ARHGAP15: variants seen among roughly 807,000 people sequenced by gnomAD.
ARHGAP15 encodes the protein rho GTPase-activating protein 15.
Under a neutral mutation model 63.7 loss-of-function variants are expected in ARHGAP15, and 51 were observed. The ratio of observed to expected loss-of-function variants is 0.80; its 90% CI spans 0.64 to 1.01. ARHGAP15 has a LOEUF of 1.01. ARHGAP15 is among the 50% of genes least tolerant of loss of function. The pLI is 0.00. For synonymous variants in ARHGAP15, 191 were observed against 193.8 expected (o/e 0.99, Z 0.12); for missense variants, 560 against 564.6 (o/e 0.99, Z 0.08).
intron 3 of ARHGAP15, among the ~76,000 whole-genome samples, chr2:143,205,291 C>T (rs1692288401): frequency 6.7e-6 from 1 of 149,602 alleles, no homozygotes; most frequent in Admixed American, 6.7e-5. Context: ...AAGGAACCTA[C>T]AAATGAACAA....
chr2:143,384,879 G>C (rs1255984094), intron 6 of ARHGAP15, among the ~76,000 whole-genome samples: 2 of 152,124 alleles, frequency 1.3e-5, no homozygotes, highest in Non-Finnish European at 2.9e-5. Flanking sequence ...GAGGAAAAAA[G>C]CTTCAGTGCA....
intron 12 of ARHGAP15, among the ~76,000 whole-genome samples, chr2:143,660,882 T>C (rs1681731482): frequency 6.6e-6 from 1 of 152,238 alleles, no homozygotes; most frequent in Admixed American, 6.5e-5. Context: ...TTGTAACAGA[T>C]TACCACAAAC....
chr2:143,133,633 G>C (rs1314368967), intron 1 of ARHGAP15, among the ~76,000 whole-genome samples: 9 of 152,170 alleles, frequency 5.9e-5, no homozygotes, highest in Admixed American at 5.2e-4. Flanking sequence ...TTTGATGAAG[G>C]CCTTTTGTTT....
chr2:143,575,759 A>G (rs565705454), intron 11 of ARHGAP15, among the ~76,000 whole-genome samples: 29 of 152,256 alleles, frequency 1.9e-4, no homozygotes, highest in African/African-American at 6.3e-4. Context: ...GTTAGCCTGA[A>G]TCCATTATTT....
At chr2:143,281,300 G>C (rs1681836966) in intron 6 of ARHGAP15, among the ~76,000 whole-genome samples, 1 of 152,122 alleles carries the variant, frequency 6.6e-6, no homozygotes, top group Non-Finnish European at 1.5e-5. Flanking sequence ...AGGAAGGACA[G>C]TAATCACAAG....
intron 6 of ARHGAP15, among the ~76,000 whole-genome samples, chr2:143,288,367 T>C (rs1406054580): frequency 6.6e-6 from 1 of 152,008 alleles, no homozygotes; most frequent in Non-Finnish European, 1.5e-5. Context: ...GTAGATTGTA[T>C]TTGGAAAAAA....
intron 6 of ARHGAP15, among the ~76,000 whole-genome samples, chr2:143,324,339 T>C (rs1684160460): frequency 6.6e-6 from 1 of 152,218 alleles, no homozygotes; most frequent in South Asian, 2.1e-4. Context: ...GGAAAAATAG[T>C]CAATGGTTTT....
At chr2:143,166,963 T>A (rs1690566161) in intron 2 of ARHGAP15, among the ~76,000 whole-genome samples, 1 of 152,132 alleles carries the variant, frequency 6.6e-6, no homozygotes, top group Admixed American at 6.6e-5. Context: ...CTTAGTCTTT[T>A]TTGAATTTAT....
chr2:143,611,486 T>G (rs932029615), intron 11 of ARHGAP15, among the ~76,000 whole-genome samples: 3 of 152,194 alleles, frequency 2.0e-5, no homozygotes, highest in African/African-American at 7.2e-5. Flanking sequence ...ACTATGAAAA[T>G]GACATAAGAT....
intron 12 of ARHGAP15, among the ~76,000 whole-genome samples, chr2:143,629,806 G>A (rs1050048182): frequency 1.3e-5 from 2 of 152,138 alleles, no homozygotes; most frequent in African/African-American, 4.8e-5. Context: ...ATAATTTCTA[G>A]CTCATAAAGT....
At chr2:143,307,763 G>A (rs1397766539) in intron 6 of ARHGAP15, among the ~76,000 whole-genome samples, 2 of 151,992 alleles carry the variant, frequency 1.3e-5, no homozygotes, top group African/African-American at 4.8e-5. Flanking sequence ...ACATTAGGGG[G>A]TCTCAATCAA....
chr2:143,457,645 T>C (rs1344557524), intron 8 of ARHGAP15, among the ~76,000 whole-genome samples: 9 of 151,042 alleles, frequency 6.0e-5, no homozygotes, highest in African/African-American at 1.9e-4. Flanking sequence ...TGTTTTTAAA[T>C]ACCCACAGTA....
intron 6 of ARHGAP15, among the ~76,000 whole-genome samples, chr2:143,374,391 A>G (rs764313689): frequency 5.9e-5 from 9 of 151,914 alleles, no homozygotes; most frequent in Non-Finnish European, 1.3e-4. Flanking sequence ...ACCCTGCCAT[A>G]TCCTGCACAG....
chr2:143,446,334 G>A (rs1690137215), intron 8 of ARHGAP15, among the ~76,000 whole-genome samples: 1 of 151,590 alleles, frequency 6.6e-6, no homozygotes, highest in African/African-American at 2.4e-5. Context: ...CATGACTTTT[G>A]TTTGTTTACT....
At chr2:143,660,073 T>G (rs577718374) in intron 12 of ARHGAP15, among the ~76,000 whole-genome samples, 2 of 152,332 alleles carry the variant, frequency 1.3e-5, no homozygotes, top group East Asian at 1.9e-4. Context: ...TCAAATGTTT[T>G]GCTGCCATGT....
chr2:143,294,437 C>T (rs1682544724), intron 6 of ARHGAP15, among the ~76,000 whole-genome samples: 1 of 152,048 alleles, frequency 6.6e-6, no homozygotes, highest in African/African-American at 2.4e-5. Flanking sequence ...TTTTATTTTG[C>T]ACTCATGTGA....
chr2:143,155,087 G>T (rs1406982060), intron 1 of ARHGAP15, among the ~76,000 whole-genome samples: 1 of 151,888 alleles, frequency 6.6e-6, no homozygotes, highest in East Asian at 1.9e-4. Context: ...ATGGTAGCAT[G>T]TAGGGGTAAA....
At chr2:143,358,663 A>T (rs1438280711) in intron 6 of ARHGAP15, among the ~76,000 whole-genome samples, 5 of 151,492 alleles carry the variant, frequency 3.3e-5, no homozygotes, top group Non-Finnish European at 7.4e-5. Flanking sequence ...TTTTCCTTCT[A>T]TAAGGAAATA....
At chr2:143,360,075 T>C (rs1685973443) in intron 6 of ARHGAP15, among the ~76,000 whole-genome samples, 1 of 152,086 alleles carries the variant, frequency 6.6e-6, no homozygotes, top group Admixed American at 6.6e-5. Context: ...AATGCAAGTT[T>C]CCTATAAAAT....
Sources: gnomAD v4.1 joint callset for allele counts (sites outside exome capture counted in the v4.1 genomes callset) on GRCh38, gnomAD v4.1.1 for gene constraint, MANE v1.5 for transcripts, NCBI Gene and HGNC (gene_info 2026-07-23, HGNC 2026-07-21) for gene names.